The following MAGI2 variants were observed in gnomAD, a reference collection of about 807,000 sequenced individuals.
The protein encoded by MAGI2 is membrane-associated guanylate kinase, WW and PDZ domain-containing protein 2.
A neutral mutation model predicts 133.3 loss-of-function variants in MAGI2; 35 were observed. The ratio of observed to expected loss-of-function variants is 0.26; its 90% CI spans 0.20 to 0.35. The LOEUF (loss-of-function observed/expected upper bound fraction) is 0.35, where lower values mean the gene tolerates loss of function less well. MAGI2 is among the 10% of genes least tolerant of loss of function. The pLI is 1.00. For synonymous variants in MAGI2, 729 were observed against 710.6 expected (o/e 1.03, Z -0.41); for missense variants, 1,636 against 1,863.4 (o/e 0.88, Z 2.25).
intron 1 of MAGI2, among the ~76,000 whole-genome samples, chr7:79,324,340 A>T (rs1242265064): frequency 6.7e-6 from 1 of 149,884 alleles, no homozygotes; most frequent in Non-Finnish European, 1.5e-5. Context: ...TAAATGTTTC[A>T]ATTTATGTAT....
chr7:79,435,878 A>G (rs1413748665), intron 1 of MAGI2, among the ~76,000 whole-genome samples: 1 of 152,206 alleles, frequency 6.6e-6, no homozygotes, highest in African/African-American at 2.4e-5. Context: ...ATAATGCTAC[A>G]GTAATCCAAA....
chr7:78,799,482 T>A (rs1159374181), intron 2 of MAGI2, among the ~76,000 whole-genome samples: 7 of 152,148 alleles, frequency 4.6e-5, no homozygotes, highest in African/African-American at 1.7e-4. Context: ...GGAAATCCAA[T>A]GGGTTTCGTT....
At chr7:78,613,940 C>T (rs939020135) in intron 3 of MAGI2, among the ~76,000 whole-genome samples, 1 of 151,986 alleles carries the variant, frequency 6.6e-6, no homozygotes, top group Non-Finnish European at 1.5e-5. Flanking sequence ...GAAACCTCAT[C>T]TCTACTAAAA....
At chr7:78,926,503 C>T (rs1799703537) in intron 2 of MAGI2, among the ~76,000 whole-genome samples, 1 of 151,952 alleles carries the variant, frequency 6.6e-6, no homozygotes, top group East Asian at 1.9e-4. Context: ...TTGCCCTATG[C>T]CATCCATACA....
At chr7:79,135,063 A>C (rs1450810380) in intron 1 of MAGI2, among the ~76,000 whole-genome samples, 1 of 152,208 alleles carries the variant, frequency 6.6e-6, no homozygotes, top group African/African-American at 2.4e-5. Flanking sequence ...CTATATTTGG[A>C]GAATGAGTCT....
chr7:78,249,125 C>T (rs905756535), intron 10 of MAGI2, among the ~76,000 whole-genome samples: 8 of 152,070 alleles, frequency 5.3e-5, no homozygotes, highest in Admixed American at 6.5e-5. Flanking sequence ...CTCACCATCA[C>T]TAATTATCAG....
chr7:79,326,160 C>T (rs528876588), intron 1 of MAGI2, among the ~76,000 whole-genome samples: 41 of 149,620 alleles, frequency 2.7e-4, no homozygotes, highest in African/African-American at 9.9e-4. Context: ...GGTGCCTTTC[C>T]TTCAAAGATG....
chr7:79,441,557 G>T (rs995879095), intron 1 of MAGI2, among the ~76,000 whole-genome samples: 7 of 151,754 alleles, frequency 4.6e-5, no homozygotes, highest in African/African-American at 1.7e-4. Context: ...TATGTATTTT[G>T]CACATTCCTT....
At chr7:79,401,071 A>G (rs944391222) in intron 1 of MAGI2, among the ~76,000 whole-genome samples, 1 of 152,176 alleles carries the variant, frequency 6.6e-6, no homozygotes, top group Non-Finnish European at 1.5e-5. Flanking sequence ...TTAAGTAGGA[A>G]TTTTCAAAGA....
At chr7:78,719,519 C>A (rs28670967) in intron 2 of MAGI2, among the ~76,000 whole-genome samples, 2,842 of 152,212 alleles carry the variant, frequency 0.019, 96 homozygotes, top group African/African-American at 0.065. Flanking sequence ...GAAACCACTA[C>A]GTTTAAAAAA....
rs141464345 is a variant in MAGI2 at position 78,994,897 on chromosome 7, G to T, written c.418+12193C>A. ...TGCAAAATAAGTGTTTTAATGAAATGCAAGGATGAAGAACTGGGGACTCTT... is the reference window on the plus strand; with the variant it reads ...TGCAAAATAAGTGTTTTAATGAAATTCAAGGATGAAGAACTGGGGACTCTT... On this transcript the variant is annotated intron_variant, in intron 2 of 21. Coordinates refer to ENST00000354212, the MANE Select transcript of MAGI2 (RefSeq NM_012301.4). Among the ~76,000 whole-genome samples, 223 of 152,138 alleles carry T rather than the reference G, an allele frequency of 1.5e-3. 2 individuals are homozygous for T. The highest frequency in any genetic ancestry group is 5.0e-3 in the African/African-American group (209 of 41,524).
intron 7 of MAGI2, among the ~76,000 whole-genome samples, chr7:78,367,127 A>ACACACACACACAC (rs1554369024): frequency 1.3e-5 from 2 of 151,916 alleles, no homozygotes; most frequent in Admixed American, 6.6e-5. Context: ...ACACACACAC[A>ACACACACACACAC]AATTTGAAGT....
At chr7:78,170,099 C>A in intron 14 of MAGI2, 1 of 152,190 alleles carries the variant, frequency 6.6e-6, no homozygotes, top group Admixed American at 6.5e-5. Flanking sequence ...TAGTGAGAGA[C>A]TTTACAGCTA....
chr7:79,293,638 A>G (rs1836678129), intron 1 of MAGI2, among the ~76,000 whole-genome samples: 1 of 152,220 alleles, frequency 6.6e-6, no homozygotes, highest in Non-Finnish European at 1.5e-5. Context: ...GGTATGTACA[A>G]TCATTCACTT....
chr7:79,083,298 ATGT>A, intron 1 of MAGI2, among the ~76,000 whole-genome samples: 1 of 58,066 alleles, frequency 1.7e-5, no homozygotes. Flanking sequence ...AATAAGTATG[ATGT>A]TATTTTTTTT....
intron 2 of MAGI2, among the ~76,000 whole-genome samples, chr7:78,710,714 A>G (rs937724901): frequency 6.6e-6 from 1 of 152,134 alleles, no homozygotes; most frequent in African/African-American, 2.4e-5. Context: ...GCTTGACACA[A>G]AAACATATGC....
intron 6 of MAGI2, among the ~76,000 whole-genome samples, chr7:78,410,073 C>T (rs1307855246): frequency 6.6e-6 from 1 of 151,742 alleles, no homozygotes; most frequent in African/African-American, 2.4e-5. Flanking sequence ...AGTCCACGAC[C>T]CCCGGGAAAG....
chr7:78,247,750 A>G (rs938408137), intron 10 of MAGI2, among the ~76,000 whole-genome samples: 3 of 152,186 alleles, frequency 2.0e-5, no homozygotes, highest in Admixed American at 2.0e-4. Context: ...GAAATTACCC[A>G]ATCAGAGGGG....
At chr7:79,206,940 C>T (rs981471819) in intron 1 of MAGI2, among the ~76,000 whole-genome samples, 2 of 151,796 alleles carry the variant, frequency 1.3e-5, no homozygotes, top group African/African-American at 4.8e-5. Flanking sequence ...TGAAACAACA[C>T]ATAAACAGAA....
Sources: allele counts gnomAD v4.1 joint callset (sites outside exome capture counted in the v4.1 genomes callset), GRCh38; gene constraint gnomAD v4.1.1; transcripts MANE v1.5; gene names NCBI Gene and HGNC (gene_info 2026-07-23, HGNC 2026-07-21).